Variants in C2orf49 observed in about 807,000 individuals in gnomAD.
The protein encoded by C2orf49 is tRNA-splicing ligase complex subunit ASW.
A neutral mutation model predicts 20.6 loss-of-function variants in C2orf49; 11 were observed. The ratio of observed to expected loss-of-function variants is 0.53; its 90% confidence interval spans 0.34 to 0.88. The LOEUF is 0.88. Among genes scored for constraint, C2orf49 ranks in the 40% least tolerant of loss-of-function variants. The pLI, the probability that C2orf49 is intolerant of heterozygous loss-of-function variation, is 0.02. For missense variants in C2orf49, 289 were observed against 274.2 expected (o/e 1.05, Z -0.38); for synonymous variants, 134 against 108.5 (o/e 1.24, Z -1.46).
At chr2:105,352,634 C>T (rs1039418335), downstream of C2orf49, among the ~76,000 whole-genome samples, 8 of 151,718 alleles carry the variant, frequency 5.3e-5, no homozygotes, top group Admixed American at 2.0e-4. Flanking sequence ...TTAGTAGAGA[C>T]GGGGTTTCAC....
chr2:105,357,196 G>A, the C2orf49 span, among the ~76,000 whole-genome samples: 1 of 151,970 alleles, frequency 6.6e-6, no homozygotes, highest in Admixed American at 6.6e-5. Flanking sequence ...ACATATGTTG[G>A]TATGCTTAAT....
At position 105,339,757 on chromosome 2, in the gene C2orf49, T is replaced by C; in HGVS notation, c.266+8T>C. ...TAAAAATGAGACTAAAAGGTACTTTTTGGTGGTTCTAGCTTTCAATTTATC... is the reference window on the plus strand; with the variant it reads ...TAAAAATGAGACTAAAAGGTACTTTCTGGTGGTTCTAGCTTTCAATTTATC... On this transcript the variant is annotated splice_region_variant and intron_variant, in intron 2 of 3. Transcript: ENST00000258457. 1 of 1,577,460 alleles carries C rather than the reference T, an allele frequency of 6.3e-7. No individual in the cohort carries two copies. The highest frequency in any genetic ancestry group is 8.6e-7 in the Non-Finnish European group (1 of 1,167,984).
the C2orf49 span, chr2:105,359,511 C>T: frequency 6.6e-6 from 1 of 152,182 alleles, no homozygotes; most frequent in Non-Finnish European, 1.5e-5. Context: ...TTCTGTTGCT[C>T]AGCCTATCAT....
intron 2 of C2orf49, among the ~76,000 whole-genome samples, chr2:105,341,894 T>G (rs540109405): frequency 5.9e-5 from 9 of 152,210 alleles, no homozygotes; most frequent in Non-Finnish European, 1.0e-4. Context: ...GGTTTTTTTT[T>G]GGGCCAAGAG....
chr2:105,375,133 A>ATG, the C2orf49 span: 8,399 of 150,368 alleles, frequency 0.056, 223 homozygotes, highest in Middle Eastern at 0.11. Flanking sequence ...TTGCTGAAGT[A>ATG]TGTGTGTGTG....
At chr2:105,362,397 A>T in the C2orf49 span, among the ~76,000 whole-genome samples, 4 of 152,224 alleles carry the variant, frequency 2.6e-5, no homozygotes, top group African/African-American at 9.6e-5. Context: ...GAGTTAGGTG[A>T]ACTTGGTTCT....
At chr2:105,351,374 T>C (rs1182148123), downstream of C2orf49, among the ~76,000 whole-genome samples, 1 of 140,490 alleles carries the variant, frequency 7.1e-6, no homozygotes, top group East Asian at 2.4e-4. Flanking sequence ...TACTGTGCTC[T>C]TTGGAACAAA....
chr2:105,337,791 CG>C (rs1459098607), intron 1 of C2orf49, 105 bp downstream of exon 1: 25 of 1,030,656 alleles, frequency 2.4e-5, no homozygotes, highest in Non-Finnish European at 3.4e-5. Flanking sequence ...ACACTCCCGC[CG>C]GGTTTGTGTC....
downstream of C2orf49, among the ~76,000 whole-genome samples, chr2:105,353,174 G>C (rs536088846): frequency 6.6e-6 from 1 of 152,194 alleles, no homozygotes; most frequent in African/African-American, 2.4e-5. Flanking sequence ...AACTGCCCTT[G>C]TGATAATGGT....
chr2:105,367,665 T>C, the C2orf49 span: 5 of 1,614,110 alleles, frequency 3.1e-6, no homozygotes, highest in African/African-American at 2.7e-5. Flanking sequence ...TTGGTTCCAA[T>C]TGGCTGCTGG....
chr2:105,372,966 TACAC>T, the C2orf49 span, among the ~76,000 whole-genome samples: 2 of 152,168 alleles, frequency 1.3e-5, no homozygotes, highest in African/African-American at 4.8e-5. Flanking sequence ...TCCCCCCACA[TACAC>T]ACACAAAAAA....
Position 105,339,635 on chromosome 2 carries a change from A to C in C2orf49, c.152A>C (p.Asp51Ala). The C allele has an allele frequency of 6.2e-7, 1 of 1,607,148 alleles. No homozygotes were observed. Among genetic ancestry groups the C allele is most frequent in the Non-Finnish European group, 8.5e-7 (1 of 1,178,594 alleles). The change falls in exon 2 of 4, where the codon GAC becomes GCC. Residue 51 changes from aspartate to alanine, a missense_variant. Transcript: ENST00000258457. ...DVRVNKDSLT[D>A]LYVQHAIPLP... The stretch of plus-strand genomic sequence containing the variant: ...AGAGTAAACAAAGACAGTCTTACTG[A>C]CCTTTATGTCCAACATGCAATACCA...
chr2:105,383,228 T>C, the C2orf49 span, among the ~76,000 whole-genome samples: 5,238 of 152,314 alleles, frequency 0.034, 271 homozygotes, highest in African/African-American at 0.12. Context: ...GCCCAGAACG[T>C]AGGCAGATCC....
the C2orf49 span, among the ~76,000 whole-genome samples, chr2:105,370,239 G>A: frequency 2.0e-5 from 3 of 152,124 alleles, no homozygotes; most frequent in Non-Finnish European, 4.4e-5. Flanking sequence ...GGCGGGTGTG[G>A]TGGTGTGTGC....
the C2orf49 span, among the ~76,000 whole-genome samples, chr2:105,377,318 C>A: frequency 6.6e-6 from 1 of 152,238 alleles, no homozygotes; most frequent in South Asian, 2.1e-4. Flanking sequence ...GTGTATTTTA[C>A]CATAATTAAA....
the C2orf49 span, among the ~76,000 whole-genome samples, chr2:105,364,006 C>T: frequency 6.6e-6 from 1 of 152,182 alleles, no homozygotes; most frequent in Admixed American, 6.5e-5. Flanking sequence ...CCTGTAATCT[C>T]AGGACTTTGG....
At chr2:105,383,458 G>C in the C2orf49 span, among the ~76,000 whole-genome samples, 1 of 152,172 alleles carries the variant, frequency 6.6e-6, no homozygotes, top group Non-Finnish European at 1.5e-5. Context: ...ACAATTCAGT[G>C]GCTACATAGA....
In C2orf49 at chr2:105,347,375, TGAGA is replaced by T. The variant is rs1234538861; in HGVS notation, c.*2010_*2013del. The T allele has an allele frequency of 6.6e-6, 1 of 152,214 alleles. No homozygotes were observed. Among genetic ancestry groups the T allele is most frequent in the African/African-American group, 2.4e-5 (1 of 41,460 alleles). 9.4% of individuals were successfully genotyped at this position (152,214 alleles called of 1,614,324 possible). On this transcript the variant is annotated 3_prime_UTR_variant, in exon 4 of 4. Coordinates refer to ENST00000258457, the MANE Select transcript of C2orf49 (RefSeq NM_024093.3). ...CTTCCATCTGTGTTGCTCTCTTAGT[TGAGA>T]GAGAGTTAGCCATTTGACGATTTTA... is the stretch of plus-strand genomic sequence containing the variant.
downstream of C2orf49, among the ~76,000 whole-genome samples, chr2:105,352,429 G>GTTTTTTT (rs61585149): frequency 2.5e-5 from 2 of 80,758 alleles, no homozygotes; most frequent in African/African-American, 1.0e-4. Context: ...GTTTGTTTGG[G>GTTTTTTT]TTTTTTTTTT....
Sources: allele counts gnomAD v4.1 joint callset (sites outside exome capture counted in the v4.1 genomes callset), GRCh38; gene constraint gnomAD v4.1.1; transcripts MANE v1.5; gene names NCBI Gene and HGNC (gene_info 2026-07-23, HGNC 2026-07-21).